The following ZSWIM6 variants were observed in gnomAD, a reference collection of about 807,000 sequenced individuals.
ZSWIM6 encodes the protein zinc finger SWIM domain-containing protein 6.
In ZSWIM6, 9 loss-of-function variants were observed where a neutral mutation model predicts 113.2. The observed-to-expected ratio is 0.08, with a 90% CI of 0.05 to 0.14. ZSWIM6 has a LOEUF of 0.14. Among genes scored for constraint, ZSWIM6 ranks in the 10% least tolerant of loss-of-function variants. The probability of loss-of-function intolerance (pLI) is 1.00; values close to 1 mark genes in which losing one functional copy is unlikely to be tolerated. For synonymous variants in ZSWIM6, 611 were observed against 606.5 expected (o/e 1.01, Z -0.11); for missense variants, 1,162 against 1,552.2 (o/e 0.75, Z 4.22).
intron 1 of ZSWIM6, among the ~76,000 whole-genome samples, chr5:61,465,698 T>G (rs1419157790): frequency 6.6e-6 from 1 of 152,140 alleles, no homozygotes; most frequent in Non-Finnish European, 1.5e-5. Context: ...TCCGTAAATT[T>G]TTATGTTGTT....
At chr5:61,488,616 C>T (rs1240920416) in intron 2 of ZSWIM6, among the ~76,000 whole-genome samples, 5 of 152,002 alleles carry the variant, frequency 3.3e-5, no homozygotes, top group Non-Finnish European at 7.4e-5. Flanking sequence ...TAATAGGTCT[C>T]TGATCGTCTT....
At chr5:61,337,557 A>G (rs907122829) in intron 1 of ZSWIM6, among the ~76,000 whole-genome samples, 46 of 152,208 alleles carry the variant, frequency 3.0e-4, no homozygotes, top group African/African-American at 1.1e-3. Context: ...GTTAACCTAA[A>G]TTTCTACAGA....
At chr5:61,459,269 T>C (rs1423987590) in intron 1 of ZSWIM6, among the ~76,000 whole-genome samples, 1 of 152,226 alleles carries the variant, frequency 6.6e-6, no homozygotes, top group East Asian at 1.9e-4. Context: ...GTTAGATCCC[T>C]GGGCCAGTAG....
chr5:61,439,312 A>G (rs139297947), intron 1 of ZSWIM6, among the ~76,000 whole-genome samples: 1 of 152,304 alleles, frequency 6.6e-6, no homozygotes, highest in East Asian at 1.9e-4. Flanking sequence ...ATGTACCATT[A>G]TGTTCTGGGA....
rs1215325430 is a variant in ZSWIM6, at chr5:61,332,804, G to T, written c.532G>T (p.Ala178Ser). 2.7e-4 allele frequency: 244 copies of T among 911,988 alleles called. No individual in the cohort carries two copies. Among genetic ancestry groups the T allele is most frequent in the Non-Finnish European group, 3.1e-4 (236 of 770,716 alleles). 56.5% of individuals were successfully genotyped at this position (911,988 alleles called of 1,614,324 possible). The stretch of plus-strand genomic sequence containing the variant: ...CGCCGCCGCCGCTGCCGCCGCCGCC[G>T]CCGCCGCCGCCGCCGCCGCGGGGGC... ...SAAAAAAAAA[A>S]AAAAAAGAGA... Residue 178 changes from alanine (A) to serine (S), a missense_variant, in exon 1 of 14, where the codon GCC (alanine) becomes TCC (serine). Ala to Ser is a moderately conservative substitution (Grantham distance 99). This residue lies in a region of ZSWIM6 where 333 missense variants were observed against 293.4 expected (regional missense o/e 1.13). Coordinates refer to ENST00000252744, the MANE Select transcript of ZSWIM6 (RefSeq NM_020928.2).
chr5:61,445,279 A>AT (rs1307461853), intron 1 of ZSWIM6, among the ~76,000 whole-genome samples: 3 of 152,272 alleles, frequency 2.0e-5, no homozygotes. Flanking sequence ...CAGTATGAAG[A>AT]TAAGTGAACC....
At chr5:61,500,190 G>A (rs568522535) in intron 4 of ZSWIM6, among the ~76,000 whole-genome samples, 25 of 151,376 alleles carry the variant, frequency 1.7e-4, no homozygotes, top group Non-Finnish European at 2.8e-4. Flanking sequence ...TCAGTAGTGC[G>A]ATCACGGCTC....
chr5:61,513,213 G>A (rs1344387787), intron 4 of ZSWIM6, among the ~76,000 whole-genome samples: 4 of 151,852 alleles, frequency 2.6e-5, no homozygotes, highest in African/African-American at 9.7e-5. Flanking sequence ...CATATAGTTG[G>A]AATATTATAG....
intron 1 of ZSWIM6, among the ~76,000 whole-genome samples, chr5:61,410,197 A>G (rs534284376): frequency 6.6e-6 from 1 of 152,204 alleles, no homozygotes; most frequent in South Asian, 2.1e-4. Flanking sequence ...AAAAGGCAAC[A>G]TGTGTAGCCC....
At chr5:61,494,198 T>C in intron 3 of ZSWIM6, 62 bp from the exon 4 acceptor site, 1 of 1,508,020 alleles carries the variant, frequency 6.6e-7, no homozygotes, top group Non-Finnish European at 9.0e-7. Flanking sequence ...CTTGTGTTGC[T>C]GTGGGGTTTT....
chr5:61,412,095 A>T (rs145029216), intron 1 of ZSWIM6, among the ~76,000 whole-genome samples: 158 of 152,328 alleles, frequency 1.0e-3, no homozygotes, highest in African/African-American at 3.6e-3. Flanking sequence ...GTAAATCTAC[A>T]GTTTCTATTA....
chr5:61,530,164 T>A lies in ZSWIM6; in HGVS notation c.1950T>A (p.Asp650Glu). ...GCCTTATGGAAGCCTGCCGCATTGA[T>A]GATGAGAACCTCTCTGGGTTCTCAG... ...FSSLMEACRIDDENLSGFSDF... is the reference protein window; with the variant it reads ...FSSLMEACRIEDENLSGFSDF... Residue 650 changes from aspartate (D) to glutamate (E), a missense_variant, in exon 8 of 14, where the codon GAT (aspartate) becomes GAA (glutamate). Physicochemically the swap from Asp to Glu is conservative, Grantham distance 45. This residue lies in a region of ZSWIM6 where 620 missense variants were observed against 804.6 expected (regional missense o/e 0.77). Transcript: ENST00000252744. The A allele has an allele frequency of 6.4e-7, 1 of 1,551,946 alleles. No individual in the cohort carries two copies. Among genetic ancestry groups the A allele is most frequent in the Non-Finnish European group, 8.7e-7 (1 of 1,146,932 alleles).
At chr5:61,449,805 A>G (rs1289491680) in intron 1 of ZSWIM6, among the ~76,000 whole-genome samples, 1 of 152,142 alleles carries the variant, frequency 6.6e-6, no homozygotes, top group Non-Finnish European at 1.5e-5. Flanking sequence ...GTACTTTAGG[A>G]CAGGAACAAG....
At chr5:61,389,027 C>T (rs149781738) in intron 1 of ZSWIM6, among the ~76,000 whole-genome samples, 2 of 152,220 alleles carry the variant, frequency 1.3e-5, no homozygotes, top group East Asian at 3.9e-4. Flanking sequence ...CACATACCTG[C>T]AAACTCATTC....
chr5:61,538,920 A>G lies in ZSWIM6; in HGVS notation c.2488A>G (p.Ile830Val), dbSNP rs1157341460. 5.8e-6 allele frequency: 9 copies of G among 1,552,036 alleles called. No individual in the cohort carries two copies. Among genetic ancestry groups the G allele is most frequent in the South Asian group, 1.2e-5 (1 of 84,062 alleles). Residue 830 changes from isoleucine (I) to valine (V), a missense_variant, in exon 11 of 14, where the codon ATT becomes GTT. Ile to Val is a conservative substitution (Grantham distance 29). Around this residue, in one of 4 missense-constraint regions of ZSWIM6, gnomAD observed 620 missense variants for 804.6 expected, o/e 0.77. Coordinates refer to ENST00000252744, the MANE Select transcript of ZSWIM6 (RefSeq NM_020928.2). ...RYPRWFTLSH[I>V]ESQQCELAST... ...CCCTCGCTGGTTCACTCTAAGCCAC[A>G]TTGAGTCCCAGCAGTGTGAGCTGGC...
intron 4 of ZSWIM6, among the ~76,000 whole-genome samples, chr5:61,513,496 A>G (rs1748844696): frequency 1.3e-5 from 2 of 152,050 alleles, no homozygotes; most frequent in African/African-American, 4.8e-5. Flanking sequence ...TACTTTATCA[A>G]TTTCATCTTT....
At chr5:61,372,956 T>C (rs891373299) in intron 1 of ZSWIM6, among the ~76,000 whole-genome samples, 2 of 152,174 alleles carry the variant, frequency 1.3e-5, no homozygotes, top group African/African-American at 4.8e-5. Flanking sequence ...TAAAAAATTA[T>C]AAATTATACA....
chr5:61,398,989 C>T (rs1745895327), intron 1 of ZSWIM6, among the ~76,000 whole-genome samples: 1 of 125,528 alleles, frequency 8.0e-6, no homozygotes. Flanking sequence ...GTGGTGCGAT[C>T]TCTGCTCACT....
At chr5:61,448,931 A>G (rs943412504) in intron 1 of ZSWIM6, among the ~76,000 whole-genome samples, 2 of 152,198 alleles carry the variant, frequency 1.3e-5, no homozygotes, top group African/African-American at 2.4e-5. Flanking sequence ...TTTAGTTGTA[A>G]TGCTGCCTGC....
Sources: gnomAD v4.1 joint callset for allele counts (sites outside exome capture counted in the v4.1 genomes callset) on GRCh38, gnomAD v4.1.1 for gene constraint, gnomAD v4.1.1 regional missense constraint, MANE v1.5 for transcripts, NCBI Gene and HGNC (gene_info 2026-07-23, HGNC 2026-07-21) for gene names.